Variants in PATJ observed in about 807,000 individuals in gnomAD.
The protein encoded by PATJ is PATJ crumbs cell polarity complex component.
PATJ carries 190 observed loss-of-function variants against 224.9 expected under a neutral mutation model. The observed-to-expected ratio is 0.84, with a 90% confidence interval of 0.75 to 0.95. PATJ has a LOEUF of 0.95. PATJ is among the 40% of genes least tolerant of loss of function. The pLI is 0.00. For missense variants in PATJ, 2,121 were observed against 2,270.3 expected (o/e 0.93, Z 1.34); for synonymous variants, 769 against 820.3 (o/e 0.94, Z 1.07).
intron 2 of PATJ, 27 bp downstream of exon 2, chr1:61,762,941 T>C: frequency 6.6e-7 from 1 of 1,506,678 alleles, no homozygotes; most frequent in Non-Finnish European, 9.1e-7. Flanking sequence ...GTTCTATAAT[T>C]AAATTAATTA....
chr1:61,981,893 ACTC>A (rs1450451111), intron 27 of PATJ, among the ~76,000 whole-genome samples: 1 of 151,626 alleles, frequency 6.6e-6, no homozygotes, highest in Non-Finnish European at 1.5e-5. Context: ...CTGGTCTCAA[ACTC>A]CTCCTCAGGT....
At chr1:62,027,011 A>T (rs543310299) in intron 29 of PATJ, among the ~76,000 whole-genome samples, 6 of 152,344 alleles carry the variant, frequency 3.9e-5, no homozygotes, top group Admixed American at 1.3e-4. Context: ...TTAAGTGCAC[A>T]GTTCAGTGGC....
intron 31 of PATJ, among the ~76,000 whole-genome samples, chr1:62,058,595 C>A (rs1197172756): frequency 6.6e-6 from 1 of 152,070 alleles, no homozygotes; most frequent in Non-Finnish European, 1.5e-5. Flanking sequence ...GTGCTCACTT[C>A]TTTGTTATAA....
chr1:62,034,767 T>TA (rs1302648920), intron 29 of PATJ, among the ~76,000 whole-genome samples: 2 of 152,134 alleles, frequency 1.3e-5, no homozygotes, highest in Non-Finnish European at 2.9e-5. Context: ...TATGTAAGGT[T>TA]AAAAAAATTT....
At chr1:61,931,202 G>A (rs572805848) in intron 27 of PATJ, among the ~76,000 whole-genome samples, 7 of 152,168 alleles carry the variant, frequency 4.6e-5, no homozygotes, top group Non-Finnish European at 1.0e-4. Context: ...TGTTTATTGA[G>A]TGGATGTTAT....
intron 21 of PATJ, among the ~76,000 whole-genome samples, chr1:61,877,022 C>G (rs946177640): frequency 2.0e-5 from 3 of 152,154 alleles, no homozygotes; most frequent in Non-Finnish European, 4.4e-5. Context: ...TTCTGTTTCC[C>G]AGGCTTTGCT....
intron 28 of PATJ, among the ~76,000 whole-genome samples, chr1:62,012,787 ATT>A (rs538625930): frequency 1.3e-5 from 2 of 150,082 alleles, no homozygotes; most frequent in African/African-American, 4.9e-5. Context: ...CAAATGTGTT[ATT>A]TTTTTTTTCC....
At chr1:62,001,669 T>C in intron 28 of PATJ, among the ~76,000 whole-genome samples, 1 of 152,004 alleles carries the variant, frequency 6.6e-6, no homozygotes, top group Non-Finnish European at 1.5e-5. Flanking sequence ...CAATGCGGGC[T>C]CTTTTTTGGT....
At chr1:61,823,806 G>T (rs1452229670) in intron 15 of PATJ, among the ~76,000 whole-genome samples, 1 of 152,072 alleles carries the variant, frequency 6.6e-6, no homozygotes, top group Admixed American at 6.6e-5. Flanking sequence ...GTCTCATGTT[G>T]TGTGTAATTG....
At chr1:61,816,208 A>G (rs1656073861) in intron 14 of PATJ, among the ~76,000 whole-genome samples, 1 of 152,212 alleles carries the variant, frequency 6.6e-6, no homozygotes, top group Non-Finnish European at 1.5e-5. Context: ...GGGCTTTCCA[A>G]GAGTTATGGT....
At chr1:62,048,273 G>A (rs1183658243) in intron 30 of PATJ, among the ~76,000 whole-genome samples, 3 of 152,082 alleles carry the variant, frequency 2.0e-5, no homozygotes, top group South Asian at 2.1e-4. Flanking sequence ...AAGGCCGGGC[G>A]TGGTGGCTCA....
At chr1:61,755,185 T>G (rs1284676747) in intron 1 of PATJ, among the ~76,000 whole-genome samples, 1 of 150,614 alleles carries the variant, frequency 6.6e-6, no homozygotes, top group African/African-American at 2.4e-5. Context: ...GGCGGGTGCC[T>G]GTAGTCCCAG....
At chr1:62,012,191 A>G (rs1248902677) in intron 28 of PATJ, among the ~76,000 whole-genome samples, 2 of 152,052 alleles carry the variant, frequency 1.3e-5, no homozygotes, top group Admixed American at 6.5e-5. Context: ...TCATCTTTTT[A>G]TAGAGATGGC....
chr1:62,120,337 C>G (rs1315434731), intron 37 of PATJ, among the ~76,000 whole-genome samples: 5 of 152,052 alleles, frequency 3.3e-5, no homozygotes, highest in Non-Finnish European at 5.9e-5. Context: ...AAATATTAAA[C>G]AACTTTCATC....
chr1:62,090,562 T>C (rs1660604095), intron 33 of PATJ, among the ~76,000 whole-genome samples: 1 of 152,162 alleles, frequency 6.6e-6, no homozygotes, highest in South Asian at 2.1e-4. Context: ...ATATAAGCTA[T>C]TGTTATGTTT....
At chr1:61,971,383 C>T (rs1237738889) in intron 27 of PATJ, among the ~76,000 whole-genome samples, 1 of 152,184 alleles carries the variant, frequency 6.6e-6, no homozygotes, top group East Asian at 1.9e-4. Context: ...GGTGTGGTGG[C>T]TCACATCTGT....
intron 6 of PATJ, 57 bp downstream of exon 6, chr1:61,771,683 A>C: frequency 7.9e-7 from 1 of 1,269,748 alleles, no homozygotes. Context: ...GATCGTAAGA[A>C]GTGTAAAGAC....
chr1:61,746,029 C>A lies in PATJ; in HGVS notation c.-36+3474C>A, dbSNP rs1474655755. On this transcript the variant is annotated intron_variant, in intron 1 of 43. Transcript: ENST00000642238. ...CTCCACCCACTGCAAACTTCACCTC[C>A]CTGGGTTCAAGCGATTGTCCTGGCT... Among the ~76,000 whole-genome samples the A allele has an allele frequency of 3.3e-5, 5 of 152,154 alleles. No individual in the cohort carries two copies. In the East Asian group the frequency reaches 9.7e-4, roughly 29 times the overall value.
chr1:62,163,042 C>T lies in PATJ; in HGVS notation c.*1988C>T. ...ACAACACAATGCTGCAAATATTTCACAGTAATTATCAAAATTTAATGGGCT... is the reference window on the plus strand; with the variant it reads ...ACAACACAATGCTGCAAATATTTCATAGTAATTATCAAAATTTAATGGGCT... On this transcript the variant is annotated 3_prime_UTR_variant, in exon 44 of 44. Coordinates refer to ENST00000642238, the MANE Select transcript of PATJ (RefSeq NM_001350145.3). 2 of 220,924 alleles carry T rather than the reference C, an allele frequency of 9.1e-6. No individual in the cohort carries two copies. Among genetic ancestry groups the T allele is most frequent in the South Asian group, 4.3e-5 (1 of 23,294 alleles). The allele number at this position is 220,924 out of a possible 1,614,324, so 13.7% of individuals were successfully genotyped here.
Sources: gnomAD v4.1 joint callset for allele counts (sites outside exome capture counted in the v4.1 genomes callset) on GRCh38, gnomAD v4.1.1 for gene constraint, MANE v1.5 for transcripts, NCBI Gene and HGNC (gene_info 2026-07-23, HGNC 2026-07-21) for gene names.